The following DEPDC1B variants were observed in gnomAD, a reference collection of about 807,000 sequenced individuals.
DEPDC1B encodes the protein DEP domain containing 1B.
DEPDC1B carries 51 observed loss-of-function variants against 66.5 expected under a neutral mutation model. The ratio of observed to expected loss-of-function variants is 0.77; its 90% CI spans 0.61 to 0.97. The LOEUF is 0.97. Ranked by LOEUF, DEPDC1B falls within the 50% of genes least tolerant of loss-of-function variation. The probability of loss-of-function intolerance (pLI) is 0.00; values close to 1 mark genes in which losing one functional copy is unlikely to be tolerated. For missense variants in DEPDC1B, 552 were observed against 637.1 expected (o/e 0.87, Z 1.44); for synonymous variants, 226 against 223.6 (o/e 1.01, Z -0.10).
chr5:60,670,581 T>C (rs1486414022), intron 2 of DEPDC1B, among the ~76,000 whole-genome samples: 2 of 152,130 alleles, frequency 1.3e-5, no homozygotes, highest in Non-Finnish European at 2.9e-5. Context: ...AAGAACAAAG[T>C]TGGAGGACTC....
chr5:60,683,467 AT>A (rs1754343856), intron 2 of DEPDC1B, among the ~76,000 whole-genome samples: 2 of 152,004 alleles, frequency 1.3e-5, no homozygotes, highest in Admixed American at 6.6e-5. Flanking sequence ...AGAAATAAAG[AT>A]TTACTTATAT....
intron 2 of DEPDC1B, among the ~76,000 whole-genome samples, chr5:60,660,321 G>C (rs1446522477): frequency 6.7e-6 from 1 of 148,312 alleles, no homozygotes; most frequent in African/African-American, 2.5e-5. Context: ...ACAAAGGGGG[G>C]GAGAGAGAGA....
chr5:60,634,675 A>AAAATAAATAAAT (rs57970296), intron 7 of DEPDC1B, among the ~76,000 whole-genome samples: 3,786 of 146,494 alleles, frequency 0.026, 85 homozygotes, highest in African/African-American at 0.057. Flanking sequence ...CTGTCTCAAA[A>AAAATAAATAAAT]AAATAAATAA....
chr5:60,654,128 C>G (rs1363455585), intron 2 of DEPDC1B, among the ~76,000 whole-genome samples: 1 of 149,036 alleles, frequency 6.7e-6, no homozygotes, highest in African/African-American at 2.5e-5. Flanking sequence ...ATTGTTTTTA[C>G]TAGTTCTGTG....
chr5:60,622,516 C>T (rs1047386591), intron 7 of DEPDC1B, among the ~76,000 whole-genome samples: 3 of 152,166 alleles, frequency 2.0e-5, no homozygotes, highest in African/African-American at 7.2e-5. Context: ...ATGAACACCA[C>T]ACAATTTGTG....
At chr5:60,664,818 A>T (rs1753801475) in intron 2 of DEPDC1B, among the ~76,000 whole-genome samples, 1 of 152,180 alleles carries the variant, frequency 6.6e-6, no homozygotes, top group Non-Finnish European at 1.5e-5. Flanking sequence ...ATATATACAG[A>T]ATCTAAGTAT....
intron 2 of DEPDC1B, among the ~76,000 whole-genome samples, chr5:60,654,366 C>G (rs1173536671): frequency 7.3e-6 from 1 of 136,104 alleles, no homozygotes; most frequent in Non-Finnish European, 1.6e-5. Context: ...TTTTTTTTTT[C>G]TTTTTTTTTG....
At chr5:60,615,454 T>C (rs1043232384) in intron 7 of DEPDC1B, among the ~76,000 whole-genome samples, 1 of 152,216 alleles carries the variant, frequency 6.6e-6, no homozygotes, top group Non-Finnish European at 1.5e-5. Context: ...ACCCTAATAC[T>C]GCACTTTTCC....
intron 2 of DEPDC1B, among the ~76,000 whole-genome samples, chr5:60,666,052 C>T (rs1753831726): frequency 6.6e-6 from 1 of 152,222 alleles, no homozygotes; most frequent in South Asian, 2.1e-4. Flanking sequence ...GCGTTTGTTA[C>T]AGCTCGAGCT....
intron 7 of DEPDC1B, among the ~76,000 whole-genome samples, chr5:60,620,326 A>G (rs1443008325): frequency 6.6e-6 from 1 of 152,236 alleles, no homozygotes; most frequent in African/African-American, 2.4e-5. Flanking sequence ...GCACAGCAAA[A>G]GCAACTACCA....
chr5:60,615,716 G>A (rs975813575), intron 7 of DEPDC1B, among the ~76,000 whole-genome samples: 146 of 152,334 alleles, frequency 9.6e-4, no homozygotes, highest in Non-Finnish European at 1.7e-3. Context: ...ACCTCTGGGG[G>A]CAGGGCATAG....
chr5:60,680,166 A>G (rs1266129320), intron 2 of DEPDC1B, among the ~76,000 whole-genome samples: 2 of 152,244 alleles, frequency 1.3e-5, no homozygotes, highest in East Asian at 3.8e-4. Context: ...GCTTTAAGAC[A>G]CAGACAACAG....
intron 2 of DEPDC1B, among the ~76,000 whole-genome samples, chr5:60,684,164 T>G (rs1754359038): frequency 6.6e-6 from 1 of 152,176 alleles, no homozygotes; most frequent in Non-Finnish European, 1.5e-5. Context: ...ACTGTTAAAA[T>G]GACCATACTA....
chr5:60,699,503 T>C (rs1475601501), intron 1 of DEPDC1B, among the ~76,000 whole-genome samples: 2 of 133,680 alleles, frequency 1.5e-5, no homozygotes, highest in Non-Finnish European at 3.2e-5. Context: ...AAAACATCTG[T>C]CCTGGCCAGC....
In DEPDC1B at chr5:60,685,638, C is replaced by A. The variant is rs539461308; in HGVS notation, c.314+1324G>T. ...GCCTCCTGGGACTCGATGGGAGGTACCCAATTTAAGGTCACAATAGAATAG... is the reference window on the plus strand; with the variant it reads ...GCCTCCTGGGACTCGATGGGAGGTAACCAATTTAAGGTCACAATAGAATAG... On this transcript the variant is annotated intron_variant, in intron 2 of 10. Transcript: ENST00000265036. 7.9e-5 allele frequency among the ~76,000 whole-genome samples: 12 copies of A among 152,176 alleles called. No homozygotes were observed. In the East Asian group the frequency reaches 2.3e-3, roughly 29 times the overall value.
At chr5:60,668,896 G>A (rs1331170760) in intron 2 of DEPDC1B, among the ~76,000 whole-genome samples, 2 of 152,122 alleles carry the variant, frequency 1.3e-5, no homozygotes, top group Non-Finnish European at 2.9e-5. Context: ...TCCCTCTAGT[G>A]GGCTAAATTT....
At chr5:60,649,183 A>C (rs1264189319) in intron 2 of DEPDC1B, among the ~76,000 whole-genome samples, 2 of 152,230 alleles carry the variant, frequency 1.3e-5, no homozygotes, top group African/African-American at 4.8e-5. Flanking sequence ...GGAAAGTATA[A>C]GTCTCTCTAA....
rs201118059 is a variant in DEPDC1B at position 60,681,786 on chromosome 5, A to ATT, written c.314+5174_314+5175dup. Among the ~76,000 whole-genome samples the ATT allele has an allele frequency of 3.1e-4, 46 of 148,918 alleles. No individual in the cohort carries two copies. The East Asian group carries it at 7.7e-3, about 25-fold the overall frequency. On this transcript the variant is annotated intron_variant, in intron 2 of 10. Coordinates refer to ENST00000265036, the MANE Select transcript of DEPDC1B (RefSeq NM_018369.3). ...AAAATAGCTTATGATCTGAATTATA[A>ATT]TTTTTTTTTTTAAGAGACAAGGTCT...
intron 2 of DEPDC1B, among the ~76,000 whole-genome samples, chr5:60,678,332 T>C (rs1373680469): frequency 2.0e-5 from 3 of 152,214 alleles, no homozygotes; most frequent in African/African-American, 7.2e-5. Context: ...CATGGAAGAA[T>C]GTTTAGGTTA....
Sources: gnomAD v4.1 joint callset for allele counts (sites outside exome capture counted in the v4.1 genomes callset) on GRCh38, gnomAD v4.1.1 for gene constraint, MANE v1.5 for transcripts, NCBI Gene and HGNC (gene_info 2026-07-23, HGNC 2026-07-21) for gene names.